The following THBS3 variants were observed in gnomAD, a reference collection of about 807,000 sequenced individuals.
The protein encoded by THBS3 is thrombospondin 3.
Under a neutral mutation model 118.3 loss-of-function variants are expected in THBS3, and 78 were observed. That is an observed-to-expected ratio of 0.66 (90% CI 0.55 to 0.80). The LOEUF (loss-of-function observed/expected upper bound fraction) is 0.80, where lower values mean the gene tolerates loss of function less well. THBS3 is among the 30% of genes least tolerant of loss of function. The pLI, the probability that THBS3 is intolerant of heterozygous loss-of-function variation, is 0.00. For missense variants in THBS3, 1,057 were observed against 1,247.4 expected, an observed-to-expected ratio of 0.85 and a Z score of 2.30; for synonymous variants, 427 against 475.3, an observed-to-expected ratio of 0.90 and a Z score of 1.32.
At position 155,200,326 on chromosome 1, in the gene THBS3, C is replaced by T. The variant is rs1288196751; in HGVS notation, c.1708+125G>A. ...ATCTGCTGCAGGTAATCTCTCCTCA[C>T]CCAGGCCAACGTCCACAAGCCTGCC... On this transcript the variant is annotated intron_variant, in intron 14 of 22. Transcript: ENST00000368378. 130 of 1,307,846 alleles carry T rather than the reference C, an allele frequency of 9.9e-5. 1 individual carries two copies. The highest frequency in any genetic ancestry group is 1.4e-4 in the Non-Finnish European group (127 of 935,788). The allele number at this position is 1,307,846 out of a possible 1,614,324, so 81.0% of individuals were successfully genotyped here.
At chr1:155,203,161 A>G in intron 6 of THBS3, 24 bp from the exon 7 acceptor site, 3 of 1,614,228 alleles carry the variant, frequency 1.9e-6, no homozygotes, top group Non-Finnish European at 2.5e-6. Flanking sequence ...GGGAGGAGTC[A>G]GCACTTGACA....
At position 155,203,226 on chromosome 1, in the gene THBS3, G is replaced by A; in HGVS notation, c.753C>T (p.Asp251=). 6.2e-7 allele frequency: 1 copy of A among 1,614,196 alleles called. No individual in the cohort carries two copies. The highest frequency in any genetic ancestry group is 8.5e-7 in the Non-Finnish European group (1 of 1,180,032). ...CCCTTCGCCAGCCCACCCAAACCTG[G>A]TCTCGTATATCATCCCGCAGCTCCA... ...ILVELRDDIR[D]QVKEMSLIRN... Residue 251 remains aspartate, a synonymous_variant, in exon 6 of 23, where the codon GAC becomes GAT. Transcript: ENST00000368378.
upstream of THBS3, chr1:155,209,031 TG>T (rs776890789): frequency 8.3e-6 from 13 of 1,567,122 alleles, no homozygotes; most frequent in Non-Finnish European, 1.1e-5. Context: ...TCCCGCTACG[TG>T]GGCCACCTCT....
Position 155,207,802 on chromosome 1 carries a change from C to A in THBS3, c.75G>T (p.Leu25=). The A allele has an allele frequency of 1.9e-6, 3 of 1,614,004 alleles. No homozygotes were observed. The highest frequency in any genetic ancestry group is 2.5e-6 in the Non-Finnish European group (3 of 1,179,998). Residue 25 remains leucine (L), a synonymous_variant, in exon 1 of 23, where the codon CTG becomes CTT. Coordinates refer to ENST00000368378, the MANE Select transcript of THBS3 (RefSeq NM_007112.5). ...AGAGGATGGAGACAGGCTTACCCTG[C>A]AGATCCTGACTGGCAGATGTGAAAA... is the stretch of plus-strand genomic sequence containing the variant. ...LCFFTSASQD[L]QVIDLLTVGE...
Position 155,207,813 on chromosome 1 carries a change from T to G in THBS3, c.64A>C (p.Ser22Arg). Residue 22 changes from serine (S) to arginine (R), a missense_variant, in exon 1 of 23, where the codon AGT (serine) becomes CGT (arginine). Physicochemically the swap from Ser to Arg is moderately radical, Grantham distance 110. This residue lies in a region of THBS3 where 206 missense variants were observed against 205.7 expected (regional missense o/e 1.00). Coordinates refer to ENST00000368378, the MANE Select transcript of THBS3 (RefSeq NM_007112.5). ...ACAGGCTTACCCTGCAGATCCTGAC[T>G]GGCAGATGTGAAAAAGCAAAGGAGG... Reference protein sequence around the residue: ...LLLLCFFTSASQDLQVIDLLT... With the variant: ...LLLLCFFTSARQDLQVIDLLT... The G allele has an allele frequency of 1.9e-6, 3 of 1,614,058 alleles. No individual in the cohort carries two copies. Among genetic ancestry groups the G allele is most frequent in the Non-Finnish European group, 2.5e-6 (3 of 1,180,016 alleles).
Position 155,206,445 on chromosome 1 carries a change from C to G in THBS3, c.80-39G>C. 1 of 1,593,410 alleles carries G rather than the reference C, an allele frequency of 6.3e-7. No individual in the cohort carries two copies. Among genetic ancestry groups the G allele is most frequent in the Admixed American group, 1.7e-5 (1 of 59,724 alleles). ...GGTTATCAAGGTTAGAGAATGGGAT[C>G]AAATGCTAAGGTATGCCCTCCCCCG... On this transcript the variant is annotated intron_variant, in intron 1 of 22. Transcript: ENST00000368378. The surrounding 1 kb of genome is among the most constrained non-coding windows in gnomAD (Gnocchi z 4.2).
chr1:155,204,804 A>G, intron 4 of THBS3, 51 bp downstream of exon 4: 1 of 1,550,816 alleles, frequency 6.4e-7, no homozygotes, highest in South Asian at 1.1e-5. Context: ...AGGAGTCACC[A>G]AAGGCCACAG....
At chr1:155,201,789 C>T in intron 10 of THBS3, 168 bp downstream of exon 10, 1 of 1,084,902 alleles carries the variant, frequency 9.2e-7, no homozygotes, top group South Asian at 1.5e-5. Flanking sequence ...TGCTAAAGAG[C>T]TAGCAAGAGG....
chr1:155,196,852 C>A (rs772253335), intron 21 of THBS3, 189 bp downstream of exon 21: 2 of 608,142 alleles, frequency 3.3e-6, no homozygotes, highest in South Asian at 2.1e-5. Context: ...ATTTTACAGA[C>A]GGGAAAATGG....
rs542318341 is a variant in THBS3, at chr1:155,206,613, G to A, written c.80-207C>T. 3.3e-5 allele frequency among the ~76,000 whole-genome samples: 5 copies of A among 151,986 alleles called. No homozygotes were observed. In the East Asian group the frequency reaches 5.8e-4, roughly 18 times the overall value. On this transcript the variant is annotated intron_variant, in intron 1 of 22. Coordinates refer to ENST00000368378, the MANE Select transcript of THBS3 (RefSeq NM_007112.5). This position sits in a 1 kb window ranked among gnomAD's most constrained non-coding sequence, Gnocchi z 4.2. ...GTGGATCGCCTAAGGTCAGGAGTTC[G>A]AGACCAGCCTGGCCAACACGGTGAA... is the stretch of plus-strand genomic sequence containing the variant.
intron 17 of THBS3, 86 bp from the exon 18 acceptor site, chr1:155,198,306 C>T: frequency 6.3e-7 from 1 of 1,587,980 alleles, no homozygotes; most frequent in Non-Finnish European, 8.6e-7. Context: ...GCATTCCTGA[C>T]ATCTTTCCCC....
At chr1:155,207,697 A>C (rs1670757775) in intron 1 of THBS3, 101 bp downstream of exon 1, 3 of 1,257,312 alleles carry the variant, frequency 2.4e-6, no homozygotes, top group Middle Eastern at 1.9e-4. Context: ...CAATTTCTGG[A>C]CTCTTCCCCT....
rs2147915342 is a variant in THBS3 at position 155,197,753 on chromosome 1, G to T, written c.2303-94C>A. Reference sequence around the variant, plus strand: ...GGAAGGGATGCCTGCTATGTATGTGGCCAGCTTGTGCCACTGCCTTCTCTC... The same window carrying T: ...GGAAGGGATGCCTGCTATGTATGTGTCCAGCTTGTGCCACTGCCTTCTCTC... On this transcript the variant is annotated intron_variant, in intron 19 of 22. Coordinates refer to ENST00000368378, the MANE Select transcript of THBS3 (RefSeq NM_007112.5). This position sits in a 1 kb window ranked among gnomAD's most constrained non-coding sequence, Gnocchi z 5.0. 4 of 1,585,726 alleles carry T rather than the reference G, an allele frequency of 2.5e-6. No individual in the cohort carries two copies. The African/African-American group carries it at 4.0e-5, about 16-fold the overall frequency.
chr1:155,206,199 C>T lies in THBS3; in HGVS notation c.286+1G>A. ...CAAGAAAGGAGATGCCCACCAGTCA[C>T]CTTTGTTGATCTTGCCTACAACAGA... is the stretch of plus-strand genomic sequence containing the variant. On this transcript the variant is annotated splice_donor_variant, in intron 2 of 22. Coordinates refer to ENST00000368378, the MANE Select transcript of THBS3 (RefSeq NM_007112.5). LOFTEE classifies it high-confidence loss of function. This position sits in a 1 kb window ranked among gnomAD's most constrained non-coding sequence, Gnocchi z 4.2. The T allele has an allele frequency of 6.2e-7, 1 of 1,613,822 alleles. No individual in the cohort carries two copies. The highest frequency in any genetic ancestry group is 8.5e-7 in the Non-Finnish European group (1 of 1,179,962).
chr1:155,208,954 A>G, upstream of THBS3: 1 of 1,609,236 alleles, frequency 6.2e-7, no homozygotes, highest in South Asian at 1.1e-5. Context: ...CCGCGCCTTC[A>G]GGGGTTCGGG....
At chr1:155,196,558 C>G (rs148444945) in intron 21 of THBS3, 2 of 214,178 alleles carry the variant, frequency 9.3e-6, no homozygotes, top group Non-Finnish European at 1.9e-5. Context: ...TAAGCAGACC[C>G]ATTTCCCCTC....
At position 155,197,108 on chromosome 1, in the gene THBS3, C is replaced by A; in HGVS notation, c.2605G>T (p.Val869Leu). ...VRLLWTDPRNVGWRDKTSYRW... is the reference protein window; with the variant it reads ...VRLLWTDPRNLGWRDKTSYRW... Reference sequence around the variant, plus strand: ...TAGGAGGTCTTGTCCCGCCAGCCCACATTTCGTGGGTCTGTCCACAGCAGT... The same window carrying A: ...TAGGAGGTCTTGTCCCGCCAGCCCAAATTTCGTGGGTCTGTCCACAGCAGT... The change falls in exon 21 of 23, where the codon GTG becomes TTG. Residue 869 changes from valine to leucine, a missense_variant. Around this residue, in one of 3 missense-constraint regions of THBS3, gnomAD observed 307 missense variants for 326.1 expected, o/e 0.94. Coordinates refer to ENST00000368378, the MANE Select transcript of THBS3 (RefSeq NM_007112.5). This position sits in a 1 kb window ranked among gnomAD's most constrained non-coding sequence, Gnocchi z 5.0. 6.2e-7 allele frequency: 1 copy of A among 1,614,184 alleles called. No individual in the cohort carries two copies. Among genetic ancestry groups the A allele is most frequent in the Non-Finnish European group, 8.5e-7 (1 of 1,180,040 alleles).
upstream of THBS3, chr1:155,208,101 C>T (rs917616998): frequency 1.2e-5 from 7 of 578,518 alleles, no homozygotes; most frequent in African/African-American, 1.3e-4. Flanking sequence ...TGCTTTCTAC[C>T]TCTCCCTAAT....
chr1:155,206,495 C>T lies in THBS3; in HGVS notation c.80-89G>A, dbSNP rs1670562677. On this transcript the variant is annotated intron_variant, in intron 1 of 22. Transcript: ENST00000368378. The surrounding 1 kb of genome is among the most constrained non-coding windows in gnomAD (Gnocchi z 4.2). ...GAGCCCACATCACCCCCTACCCCCACCACCAGGCAGCGTTAGTCACCTCAA... is the reference window on the plus strand; with the variant it reads ...GAGCCCACATCACCCCCTACCCCCATCACCAGGCAGCGTTAGTCACCTCAA... 8.5e-7 allele frequency: 1 copy of T among 1,172,054 alleles called. No homozygotes were observed. Among genetic ancestry groups the T allele is most frequent in the Non-Finnish European group, 1.2e-6 (1 of 817,688 alleles). 72.6% of individuals were successfully genotyped at this position (1,172,054 alleles called of 1,614,324 possible).
Sources: gnomAD v4.1 joint callset for allele counts (sites outside exome capture counted in the v4.1 genomes callset) on GRCh38, gnomAD v4.1.1 for gene constraint, gnomAD v4.1.1 regional missense constraint, Gnocchi (gnomAD v3.1) non-coding constraint, MANE v1.5 for transcripts, NCBI Gene and HGNC (gene_info 2026-07-23, HGNC 2026-07-21) for gene names.